The following TBC1D31 variants were observed in gnomAD, a reference collection of about 807,000 sequenced individuals.
TBC1D31 encodes the protein WD repeat domain 67.
TBC1D31 carries 99 observed loss-of-function variants against 132.9 expected under a neutral mutation model. The observed-to-expected ratio is 0.74, with a 90% CI of 0.63 to 0.88. TBC1D31 has a LOEUF of 0.88. Ranked by LOEUF, TBC1D31 falls within the 40% of genes least tolerant of loss-of-function variation. TBC1D31 has a pLI of 0.00. For synonymous variants in TBC1D31, 385 were observed against 419.4 expected, an observed-to-expected ratio of 0.92 and a Z score of 1.00; for missense variants, 1,134 against 1,256.6, an observed-to-expected ratio of 0.90 and a Z score of 1.48.
the TBC1D31 span, among the ~76,000 whole-genome samples, chr8:123,157,741 A>ACACACACACACC: frequency 6.8e-6 from 1 of 147,982 alleles, no homozygotes; most frequent in Admixed American, 6.7e-5. Flanking sequence ...ACACACACAC[A>ACACACACACACC]CCCGCTGTTA....
At chr8:123,144,880 TC>T (rs1345975825) in intron 20 of TBC1D31, 25 bp downstream of exon 20, 11 of 1,583,942 alleles carry the variant, frequency 6.9e-6, no homozygotes, top group Non-Finnish European at 7.7e-6. Context: ...GGCCTTTCTC[TC>T]CATGATGTTA....
chr8:123,129,547 A>G (rs1820413944), intron 15 of TBC1D31, among the ~76,000 whole-genome samples: 1 of 152,226 alleles, frequency 6.6e-6, no homozygotes, highest in South Asian at 2.1e-4. Flanking sequence ...CATCACCTTT[A>G]GTAGAGTATA....
intron 4 of TBC1D31, among the ~76,000 whole-genome samples, chr8:123,085,732 A>G (rs1333821012): frequency 6.6e-6 from 1 of 152,204 alleles, no homozygotes; most frequent in Non-Finnish European, 1.5e-5. Context: ...TGTTTTTGAG[A>G]TCCATCCATA....
intron 16 of TBC1D31, among the ~76,000 whole-genome samples, chr8:123,133,546 G>T (rs1393788904): frequency 6.6e-6 from 1 of 152,126 alleles, no homozygotes; most frequent in East Asian, 1.9e-4. Context: ...TCATTTCTAA[G>T]AGTCTCTAGA....
downstream of TBC1D31, among the ~76,000 whole-genome samples, chr8:123,153,836 T>C (rs536245698): frequency 6.6e-6 from 1 of 152,344 alleles, no homozygotes; most frequent in African/African-American, 2.4e-5. Flanking sequence ...CTATAGGCCT[T>C]TTCATATTTA....
intron 17 of TBC1D31, 110 bp downstream of exon 17, chr8:123,134,316 G>A: frequency 2.5e-6 from 2 of 796,486 alleles, no homozygotes; most frequent in Non-Finnish European, 4.1e-6. Context: ...AGGATCACTT[G>A]AGCTAAGGAA....
At chr8:123,073,088 AGACCTGGGAACTTGC>A (rs1474020067) in intron 1 of TBC1D31, among the ~76,000 whole-genome samples, 1 of 152,190 alleles carries the variant, frequency 6.6e-6, no homozygotes, top group Non-Finnish European at 1.5e-5. Flanking sequence ...GGTGGTTCTC[AGACCTGGGAACTTGC>A]GGCTTTTGCT....
chr8:123,085,651 C>CTG (rs1586568514), intron 4 of TBC1D31, among the ~76,000 whole-genome samples: 1 of 152,296 alleles, frequency 6.6e-6, no homozygotes, highest in East Asian at 1.9e-4. Context: ...CCTTGTGATC[C>CTG]ACCCGCCTTA....
intron 4 of TBC1D31, 22 bp from the exon 5 acceptor site, chr8:123,093,569 A>T (rs778497455): frequency 6.4e-7 from 1 of 1,559,640 alleles, no homozygotes; most frequent in Non-Finnish European, 8.7e-7. Flanking sequence ...TGTGAAAACT[A>T]ACTTTCTCTA....
chr8:123,155,947 G>A (rs1822974610), downstream of TBC1D31, among the ~76,000 whole-genome samples: 1 of 152,006 alleles, frequency 6.6e-6, no homozygotes, highest in South Asian at 2.1e-4. The surrounding 1 kb of genome is among the most constrained non-coding windows in gnomAD (Gnocchi z 4.1). Context: ...GGGTGAATAG[G>A]GCCATGAAAC....
Position 123,100,891 on chromosome 8 carries a change from G to A in TBC1D31, c.916G>A (p.Asp306Asn), listed in dbSNP as rs768230252. Residue 306 changes from aspartate (D) to asparagine (N), a missense_variant, in exon 7 of 22, where the codon GAT (aspartate) becomes AAT (asparagine). Physicochemically the swap from Asp to Asn is conservative, Grantham distance 23. Transcript: ENST00000287380. ...CKLLFEIGSL[D>N]EGISSSAISP... is the part of the protein sequence containing the mutation. The stretch of plus-strand genomic sequence containing the variant: ...ACTTCTCTTTGAGATTGGGAGCCTC[G>A]ATGAAGGAATTAGCTCATCAGCAAT... The A allele has an allele frequency of 3.3e-5, 53 of 1,613,858 alleles. No homozygotes were observed. The Middle Eastern group carries it at 5.0e-4, about 15-fold the overall frequency.
chr8:123,133,842 A>G (rs899614341), intron 16 of TBC1D31, among the ~76,000 whole-genome samples: 2 of 152,226 alleles, frequency 1.3e-5, no homozygotes, highest in African/African-American at 4.8e-5. Context: ...TTACTGTAAT[A>G]CTGTAAGAAC....
chr8:123,134,269 C>A, intron 17 of TBC1D31, 63 bp downstream of exon 17: 3 of 1,295,188 alleles, frequency 2.3e-6, no homozygotes, highest in Non-Finnish European at 3.3e-6. Context: ...TGGCTCAAAC[C>A]TGTAATCCCA....
chr8:123,158,284 T>C, the TBC1D31 span, among the ~76,000 whole-genome samples: 1 of 152,172 alleles, frequency 6.6e-6, no homozygotes, highest in Non-Finnish European at 1.5e-5. Flanking sequence ...AAAAAAAGAC[T>C]CTTCCACTTA....
chr8:123,108,123 TTTC>T (rs1022567853), intron 8 of TBC1D31, among the ~76,000 whole-genome samples: 1 of 152,192 alleles, frequency 6.6e-6, no homozygotes, highest in African/African-American at 2.4e-5. Flanking sequence ...GGACTACCTG[TTTC>T]TTCTTGTAAA....
intron 16 of TBC1D31, among the ~76,000 whole-genome samples, chr8:123,131,542 T>C (rs1820630628): frequency 6.6e-6 from 1 of 152,174 alleles, no homozygotes; most frequent in South Asian, 2.1e-4. Context: ...TTTTCATATT[T>C]GTTATATGTG....
chr8:123,094,255 G>A (rs1379581986), intron 5 of TBC1D31, among the ~76,000 whole-genome samples: 2 of 151,892 alleles, frequency 1.3e-5, no homozygotes, highest in South Asian at 2.1e-4. Flanking sequence ...GTAGAGACAG[G>A]GTTTCACCAT....
chr8:123,121,173 G>T (rs1819443667), intron 11 of TBC1D31, among the ~76,000 whole-genome samples: 1 of 148,526 alleles, frequency 6.7e-6, no homozygotes. Flanking sequence ...GGCCAGGCTG[G>T]TCTCGAACTC....
intron 17 of TBC1D31, among the ~76,000 whole-genome samples, chr8:123,136,694 G>A (rs1484830859): frequency 6.6e-6 from 1 of 152,154 alleles, no homozygotes; most frequent in South Asian, 2.1e-4. Flanking sequence ...CAGGTAATCC[G>A]CCCGCCTCGG....
Sources: gnomAD v4.1 joint callset for allele counts (sites outside exome capture counted in the v4.1 genomes callset) on GRCh38, gnomAD v4.1.1 for gene constraint, Gnocchi (gnomAD v3.1) non-coding constraint, MANE v1.5 for transcripts, NCBI Gene and HGNC (gene_info 2026-07-23, HGNC 2026-07-21) for gene names.